Variants in XKR4 observed in about 807,000 individuals in gnomAD.
XKR4 encodes the protein XK-related protein 4.
Under a neutral mutation model 53.9 loss-of-function variants are expected in XKR4, and 12 were observed. The observed-to-expected ratio is 0.22, with a 90% CI of 0.14 to 0.36. The LOEUF is 0.36. Among genes scored for constraint, XKR4 ranks in the 10% least tolerant of loss-of-function variants. The pLI is 1.00. For synonymous variants in XKR4, 354 were observed against 362.4 expected (o/e 0.98, Z 0.26); for missense variants, 799 against 859.5 (o/e 0.93, Z 0.88).
intron 1 of XKR4, among the ~76,000 whole-genome samples, chr8:55,118,843 G>A (rs756609329): frequency 1.6e-4 from 25 of 151,956 alleles, no homozygotes; most frequent in Admixed American, 2.0e-4. Flanking sequence ...GAGAGACTAG[G>A]TGATTTCTAA....
At chr8:55,455,788 G>C (rs768243877) in intron 2 of XKR4, among the ~76,000 whole-genome samples, 3 of 152,148 alleles carry the variant, frequency 2.0e-5, no homozygotes, top group Non-Finnish European at 4.4e-5. Flanking sequence ...AGAATGGGAG[G>C]ACTCTGAATG....
chr8:55,348,416 C>G (rs758335241), intron 1 of XKR4, among the ~76,000 whole-genome samples: 3 of 152,142 alleles, frequency 2.0e-5, no homozygotes, highest in Non-Finnish European at 4.4e-5. Flanking sequence ...CACAGGATAT[C>G]GTCTATGAGA....
chr8:55,164,126 C>T (rs752894478), intron 1 of XKR4: 3 of 452,804 alleles, frequency 6.6e-6, no homozygotes, highest in South Asian at 4.7e-5. Context: ...AGACCACAGC[C>T]CCAGACCAGC....
chr8:55,249,764 T>C (rs1186361212), intron 1 of XKR4, among the ~76,000 whole-genome samples: 1 of 152,228 alleles, frequency 6.6e-6, no homozygotes, highest in African/African-American at 2.4e-5. Flanking sequence ...TAGAGTCTTA[T>C]TTAGGATTGT....
intron 2 of XKR4, among the ~76,000 whole-genome samples, chr8:55,443,530 T>TA (rs751152509): frequency 0.079 from 5,846 of 73,880 alleles, 977 homozygotes; most frequent in African/African-American, 0.1. Context: ...TCAGTTACAT[T>TA]AAAAAAAAAA....
intron 2 of XKR4, among the ~76,000 whole-genome samples, chr8:55,516,938 G>A (rs1384191437): frequency 1.3e-5 from 2 of 152,174 alleles, no homozygotes; most frequent in Non-Finnish European, 2.9e-5. Context: ...GAAATACCAT[G>A]CAGGCATAAA....
chr8:55,298,491 GCGGCATATCACATGGAGA>G (rs1040230637), intron 1 of XKR4, among the ~76,000 whole-genome samples: 2 of 152,138 alleles, frequency 1.3e-5, no homozygotes, highest in African/African-American at 4.8e-5. Flanking sequence ...CAAAAAGGAG[GCGGCATATCACATGGAGA>G]AAGAAGGAGC....
chr8:55,492,021 C>G (rs1327615504), intron 2 of XKR4, among the ~76,000 whole-genome samples: 1 of 152,222 alleles, frequency 6.6e-6, no homozygotes, highest in South Asian at 2.1e-4. Flanking sequence ...GCCATCTCAG[C>G]TCTCCTGAAC....
intron 1 of XKR4, among the ~76,000 whole-genome samples, chr8:55,289,795 G>C (rs1818988947): frequency 7.1e-6 from 1 of 140,862 alleles, no homozygotes; most frequent in Non-Finnish European, 1.5e-5. Context: ...GGGGGAGAGA[G>C]AGAGAGAAAG....
chr8:55,331,533 TG>T (rs1803384252), intron 1 of XKR4, among the ~76,000 whole-genome samples: 1 of 152,180 alleles, frequency 6.6e-6, no homozygotes, highest in Admixed American at 6.5e-5. Flanking sequence ...TATCCATTAC[TG>T]AAGGTCAGGT....
rs1282416277 is a variant in XKR4 at position 55,158,994 on chromosome 8, G to GT, written c.806+55707dup. ...TTTTGGTTTCATATGAATTTTAAAC[G>GT]TTTTTTTCCAATTCTGTGAAGAGTA... On this transcript the variant is annotated intron_variant, in intron 1 of 2. Coordinates refer to ENST00000327381, the MANE Select transcript of XKR4 (RefSeq NM_052898.2). 3.3e-5 allele frequency among the ~76,000 whole-genome samples: 5 copies of GT among 152,092 alleles called. No individual in the cohort carries two copies. The East Asian group carries it at 5.8e-4, about 18-fold the overall frequency.
intron 1 of XKR4, chr8:55,140,041 T>A (rs1029811168): frequency 3.4e-6 from 1 of 294,988 alleles, no homozygotes; most frequent in Admixed American, 4.7e-5. Context: ...AGACTCTTAC[T>A]GAGAAAGATT....
At chr8:55,482,047 T>C (rs1806117364) in intron 2 of XKR4, among the ~76,000 whole-genome samples, 1 of 152,172 alleles carries the variant, frequency 6.6e-6, no homozygotes, top group African/African-American at 2.4e-5. Flanking sequence ...CATTACTGAG[T>C]ATATACCCAA....
At chr8:55,500,205 A>C (rs3021396) in intron 2 of XKR4, among the ~76,000 whole-genome samples, 3 of 146,772 alleles carry the variant, frequency 2.0e-5, no homozygotes, top group Non-Finnish European at 4.5e-5. Context: ...AAAAAAAAAA[A>C]CAATGTAACA....
chr8:55,119,157 C>A (rs1816353415), intron 1 of XKR4, among the ~76,000 whole-genome samples: 1 of 152,178 alleles, frequency 6.6e-6, no homozygotes, highest in African/African-American at 2.4e-5. Flanking sequence ...TCTCTGACTT[C>A]AAGGAATTCA....
intron 2 of XKR4, among the ~76,000 whole-genome samples, chr8:55,438,291 A>C (rs1468772348): frequency 2.0e-5 from 3 of 152,160 alleles, no homozygotes; most frequent in African/African-American, 7.2e-5. Flanking sequence ...TGGAAATAAG[A>C]GATAAAACAC....
chr8:55,270,821 G>T (rs1818680542), intron 1 of XKR4, among the ~76,000 whole-genome samples: 1 of 152,120 alleles, frequency 6.6e-6, no homozygotes, highest in African/African-American at 2.4e-5. Flanking sequence ...ATGACTTTCA[G>T]GTTACTCTGC....
chr8:55,466,404 G>GTA lies in XKR4; in HGVS notation c.1007-56876_1007-56875insAT, dbSNP rs1563358558. Among the ~76,000 whole-genome samples the GTA allele has an allele frequency of 6.0e-3, 907 of 151,332 alleles. 13 individuals are homozygous for GTA. The highest frequency in any genetic ancestry group is 0.02 in the African/African-American group (836 of 41,174). On this transcript the variant is annotated intron_variant, in intron 2 of 2. Coordinates refer to ENST00000327381, the MANE Select transcript of XKR4 (RefSeq NM_052898.2). The stretch of plus-strand genomic sequence containing the variant: ...GCAAGGACTAAAAACCAAACACCTC[G>GTA]TGTTCTCACTCATAGGTGGGAATTG...
rs1299006956 is a variant in XKR4, at chr8:55,526,029, T to C, written c.*1802T>C. The C allele has an allele frequency of 5.2e-5, 8 of 152,622 alleles. No homozygotes were observed. The highest frequency in any genetic ancestry group is 2.1e-4 in the South Asian group (1 of 4,826). The allele number at this position is 152,622 out of a possible 1,614,324, so 9.5% of individuals were successfully genotyped here. On this transcript the variant is annotated 3_prime_UTR_variant, in exon 3 of 3. Coordinates refer to ENST00000327381, the MANE Select transcript of XKR4 (RefSeq NM_052898.2). Reference sequence around the variant, plus strand: ...CCAATGTTTCCCAGGAAATCAAAGATGTAAATGATTACTTTCATCCATCCA... The same window carrying C: ...CCAATGTTTCCCAGGAAATCAAAGACGTAAATGATTACTTTCATCCATCCA...
Sources: gnomAD v4.1 joint callset for allele counts (sites outside exome capture counted in the v4.1 genomes callset) on GRCh38, gnomAD v4.1.1 for gene constraint, MANE v1.5 for transcripts, NCBI Gene and HGNC (gene_info 2026-07-23, HGNC 2026-07-21) for gene names.